LOXL2: variants seen among roughly 807,000 people sequenced by gnomAD.
The protein encoded by LOXL2 is lysyl oxidase homolog 2.
A neutral mutation model predicts 93.0 loss-of-function variants in LOXL2; 70 were observed. The ratio of observed to expected loss-of-function variants is 0.75; its 90% CI spans 0.62 to 0.92. The LOEUF is 0.92. Ranked by LOEUF, LOXL2 falls within the 40% of genes least tolerant of loss-of-function variation. LOXL2 has a pLI of 0.00. For missense variants in LOXL2, 973 were observed against 1,054.9 expected, an observed-to-expected ratio of 0.92 and a Z score of 1.08; for synonymous variants, 438 against 413.2, an observed-to-expected ratio of 1.06 and a Z score of -0.73.
At chr8:23,354,951 T>TATA (rs1563200197) in intron 3 of LOXL2, among the ~76,000 whole-genome samples, 191 of 19,094 alleles carry the variant, frequency 0.01, 4 homozygotes, top group African/African-American at 0.026. Context: ...ATATATATAT[T>TATA]TTTTTTTTTT....
chr8:23,395,060 C>A (rs1005644423), intron 1 of LOXL2, among the ~76,000 whole-genome samples: 6 of 152,122 alleles, frequency 3.9e-5, no homozygotes, highest in African/African-American at 1.4e-4. Flanking sequence ...TCGAGACCAT[C>A]CTGGCCAACA....
intron 1 of LOXL2, among the ~76,000 whole-genome samples, chr8:23,378,786 T>C (rs1804630796): frequency 2.0e-5 from 3 of 152,242 alleles, no homozygotes; most frequent in African/African-American, 7.2e-5. Flanking sequence ...GGTTTTCAGC[T>C]CCATCAGGTC....
intron 4 of LOXL2, chr8:23,336,876 A>C (rs954403626): frequency 2.0e-5 from 3 of 152,086 alleles, no homozygotes; most frequent in Non-Finnish European, 4.4e-5. Flanking sequence ...TCTTTGGAGA[A>C]CTGGGAGAAA....
chr8:23,309,551 T>TC (rs913875800), intron 10 of LOXL2, 117 bp downstream of exon 10: 9 of 1,196,452 alleles, frequency 7.5e-6, no homozygotes, highest in Middle Eastern at 3.1e-4. Context: ...GAGGATCCTA[T>TC]CCCCAGGCCA....
chr8:23,355,771 C>T (rs528547113), intron 3 of LOXL2, among the ~76,000 whole-genome samples: 111 of 151,622 alleles, frequency 7.3e-4, no homozygotes, highest in African/African-American at 2.2e-3. Flanking sequence ...CACCATGCCA[C>T]GTTAATTTTT....
chr8:23,368,485 C>G (rs1488455073), intron 1 of LOXL2, 51 bp from the exon 2 acceptor site: 22 of 715,332 alleles, frequency 3.1e-5, no homozygotes, highest in Non-Finnish European at 5.3e-5. Flanking sequence ...CTACGGAGAC[C>G]TACATAGAGA....
intron 1 of LOXL2, among the ~76,000 whole-genome samples, chr8:23,391,020 GTCTC>G (rs1205956642): frequency 6.6e-6 from 1 of 152,094 alleles, no homozygotes; most frequent in African/African-American, 2.4e-5. Context: ...AGCGAAAGGG[GTCTC>G]TCCTTATAAA....
chr8:23,322,158 T>C lies in LOXL2; in HGVS notation c.1274A>G (p.Asn425Ser), dbSNP rs1412849553. The C allele has an allele frequency of 1.2e-6, 2 of 1,614,080 alleles. No individual in the cohort carries two copies. The highest frequency in any genetic ancestry group is 1.7e-5 in the Admixed American group (1 of 60,008). Reference protein sequence around the residue: ...NHEEDAGVRCNTPAMGLQKKL... With the variant: ...NHEEDAGVRCSTPAMGLQKKL... ...CTTCTGCAAGCCCATGGCAGGGGTG[T>C]TGCATCTCACACCAGCATCCTCCTC... Residue 425 changes from asparagine to serine, a missense_variant, in exon 7 of 14, where the codon AAC becomes AGC. Physicochemically the swap from Asn to Ser is conservative, Grantham distance 46. Transcript: ENST00000389131.
chr8:23,376,725 A>G (rs1039568411), intron 1 of LOXL2, among the ~76,000 whole-genome samples: 3 of 152,242 alleles, frequency 2.0e-5, no homozygotes, highest in African/African-American at 4.8e-5. Context: ...GTTTATTTGC[A>G]TAGAGGTGTT....
chr8:23,300,014 T>A (rs577074099), intron 12 of LOXL2, among the ~76,000 whole-genome samples: 1 of 151,890 alleles, frequency 6.6e-6, no homozygotes, highest in Non-Finnish European at 1.5e-5. Context: ...GCGGCTTGAG[T>A]TTTTTCTTTT....
chr8:23,331,958 C>G, intron 5 of LOXL2: 1 of 149,778 alleles, frequency 6.7e-6, no homozygotes, highest in Non-Finnish European at 1.5e-5. Flanking sequence ...ATCGCGTGAA[C>G]CCAGGAGCCG....
At chr8:23,375,983 G>T (rs894782200) in intron 1 of LOXL2, among the ~76,000 whole-genome samples, 1 of 152,158 alleles carries the variant, frequency 6.6e-6, no homozygotes, top group African/African-American at 2.4e-5. Context: ...ATGTTGAATA[G>T]GAGTGGTGAG....
chr8:23,374,140 C>T (rs1804546420), intron 1 of LOXL2, among the ~76,000 whole-genome samples: 2 of 138,502 alleles, frequency 1.4e-5, no homozygotes, highest in South Asian at 2.6e-4. Context: ...TGATGTTCCC[C>T]TTCCTGTGTC....
intron 1 of LOXL2, among the ~76,000 whole-genome samples, chr8:23,392,177 A>ACC (rs1804855099): frequency 1.3e-5 from 2 of 152,232 alleles, no homozygotes; most frequent in African/African-American, 4.8e-5. Context: ...GGCAGCTGGC[A>ACC]CAGAGACCAC....
In LOXL2 at chr8:23,297,617, A is replaced by C. The variant is rs2280935; in HGVS notation, c.*426T>G. 0.087 allele frequency: 14,137 copies of C among 162,616 alleles called. 1,019 individuals carry two copies. Among genetic ancestry groups the C allele is most frequent in the East Asian group, 0.35 (1,993 of 5,642 alleles). 10.1% of individuals were successfully genotyped at this position (162,616 alleles called of 1,614,324 possible). A position where few individuals can be genotyped will look rare whatever the true frequency, so the allele number is the denominator to read the frequency against. On this transcript the variant is annotated 3_prime_UTR_variant, in exon 14 of 14. Coordinates refer to ENST00000389131, the MANE Select transcript of LOXL2 (RefSeq NM_002318.3). ...TGAAAATGACCTAAGAGGAGGAGAA[A>C]TGGGGTTCGGCCTGACCCTCTCTGG...
At chr8:23,343,592 C>T (rs1350804736) in intron 3 of LOXL2, among the ~76,000 whole-genome samples, 3 of 152,248 alleles carry the variant, frequency 2.0e-5, no homozygotes, top group Non-Finnish European at 4.4e-5. Flanking sequence ...GTCTCCTCGC[C>T]ATGGGCTTCA....
At chr8:23,399,219 C>T (rs1308258641) in intron 1 of LOXL2, among the ~76,000 whole-genome samples, 2 of 152,140 alleles carry the variant, frequency 1.3e-5, no homozygotes, top group South Asian at 2.1e-4. Context: ...CCATGCAGAC[C>T]GACCACAAAA....
chr8:23,353,936 C>A (rs1804139574), intron 3 of LOXL2, among the ~76,000 whole-genome samples: 2 of 152,106 alleles, frequency 1.3e-5, no homozygotes, highest in Admixed American at 6.5e-5. Flanking sequence ...TTGGTGGGGT[C>A]ACTTATATGA....
chr8:23,383,925 G>A (rs1312698992), intron 1 of LOXL2, among the ~76,000 whole-genome samples: 1 of 152,124 alleles, frequency 6.6e-6, no homozygotes, highest in Non-Finnish European at 1.5e-5. Context: ...CTCCCAAAGT[G>A]CTGGGATTAC....
Sources: allele counts gnomAD v4.1 joint callset (sites outside exome capture counted in the v4.1 genomes callset), GRCh38; gene constraint gnomAD v4.1.1; transcripts MANE v1.5; gene names NCBI Gene and HGNC (gene_info 2026-07-23, HGNC 2026-07-21).